The following NRG4 variants were observed in gnomAD, a reference collection of about 807,000 sequenced individuals.
The protein encoded by NRG4 is neuregulin 4.
NRG4 carries 10 observed loss-of-function variants against 15.0 expected under a neutral mutation model. The ratio of observed to expected loss-of-function variants is 0.67; its 90% CI spans 0.41 to 1.13. The LOEUF (loss-of-function observed/expected upper bound fraction) is 1.13, where lower values mean the gene tolerates loss of function less well. Ranked by LOEUF, NRG4 falls within the 50% of genes most tolerant of loss-of-function variation. NRG4 has a pLI of 0.00. For missense variants in NRG4, 139 were observed against 140.2 expected (o/e 0.99, Z 0.04); for synonymous variants, 41 against 50.1 (o/e 0.82, Z 0.77).
intron 3 of NRG4, among the ~76,000 whole-genome samples, chr15:76,001,277 G>A (rs1245898909): frequency 2.6e-5 from 4 of 152,006 alleles, no homozygotes; most frequent in East Asian, 3.9e-4. Context: ...GACTACAGGC[G>A]TGAGCTACCA....
intron 3 of NRG4, among the ~76,000 whole-genome samples, chr15:76,004,522 G>A (rs991991242): frequency 1.1e-4 from 17 of 150,246 alleles, no homozygotes; most frequent in Admixed American, 4.0e-4. Flanking sequence ...TCACTTGAAC[G>A]CAGGAGGCAG....
rs183118533 is a variant in NRG4, at chr15:76,023,995, C to G, written c.-57+11949G>C. On this transcript the variant is annotated intron_variant, in intron 5 of 8. Coordinates refer to the NRG4 transcript ENST00000563910. ...CCAAACAGGTAGAGCAGCTACAAGC[C>G]TAGGACCTGAGAGATAGCCCTGCAG... Among the ~76,000 whole-genome samples, 890 of 152,318 alleles carry G rather than the reference C, an allele frequency of 5.8e-3. 7 individuals are homozygous for G. Among genetic ancestry groups the G allele is most frequent in the Non-Finnish European group, 8.2e-3 (557 of 68,012 alleles).
intron 3 of NRG4, among the ~76,000 whole-genome samples, chr15:75,984,397 T>G (rs528512586): frequency 2.6e-5 from 4 of 152,140 alleles, no homozygotes; most frequent in South Asian, 4.2e-4. Context: ...CAAATGTCCA[T>G]CAGTGATAGA....
At chr15:76,007,259 A>G (rs569365073) in intron 3 of NRG4, among the ~76,000 whole-genome samples, 9 of 152,200 alleles carry the variant, frequency 5.9e-5, no homozygotes, top group Non-Finnish European at 1.3e-4. Context: ...CAGGAAACAT[A>G]GATCAACAGA....
At chr15:75,978,008 G>A (rs968592140) in intron 3 of NRG4, among the ~76,000 whole-genome samples, 1 of 151,920 alleles carries the variant, frequency 6.6e-6, no homozygotes, top group African/African-American at 2.4e-5. Context: ...GTAGAGATGG[G>A]ATTTCACCAT....
At chr15:75,999,445 A>T (rs926011382) in intron 3 of NRG4, among the ~76,000 whole-genome samples, 1 of 151,908 alleles carries the variant, frequency 6.6e-6, no homozygotes, top group African/African-American at 2.4e-5. Context: ...ATGCTCTTCT[A>T]CTCTCTGCCA....
At chr15:75,986,624 G>A (rs1320404342) in intron 3 of NRG4, among the ~76,000 whole-genome samples, 6 of 152,026 alleles carry the variant, frequency 3.9e-5, no homozygotes, top group Admixed American at 1.3e-4. Flanking sequence ...TGTTAGAAGT[G>A]GGTGGAAATA....
At chr15:76,053,342 T>C (rs1440526368) in intron 2 of NRG4, 1 of 150,864 alleles carries the variant, frequency 6.6e-6, no homozygotes, top group African/African-American at 2.5e-5. Flanking sequence ...GCAGGCTACT[T>C]AATCCCTCTG....
intron 5 of NRG4, among the ~76,000 whole-genome samples, chr15:76,027,512 A>G (rs1327369732): frequency 6.6e-6 from 1 of 151,960 alleles, no homozygotes; most frequent in Non-Finnish European, 1.5e-5. Flanking sequence ...ATATATATAT[A>G]TATATGCACC....
At chr15:76,023,990 C>T (rs912987167) in intron 5 of NRG4, among the ~76,000 whole-genome samples, 6 of 152,204 alleles carry the variant, frequency 3.9e-5, no homozygotes, top group African/African-American at 1.4e-4. Context: ...AGAGCAGCTA[C>T]AAGCCTAGGA....
chr15:75,973,121 C>T (rs1245607305), intron 3 of NRG4, among the ~76,000 whole-genome samples: 1 of 152,080 alleles, frequency 6.6e-6, no homozygotes, highest in Non-Finnish European at 1.5e-5. Flanking sequence ...GTATTTTATT[C>T]TCTTAGTAGC....
downstream of NRG4, chr15:75,936,493 C>T (rs1398579034): frequency 1.3e-5 from 2 of 152,152 alleles, no homozygotes; most frequent in African/African-American, 4.8e-5. Flanking sequence ...TATGCCACAA[C>T]TGAAGACAGG....
rs1021913616 is a variant in NRG4 at position 76,044,789 on chromosome 15, C to T, written c.-105+7278G>A. The stretch of plus-strand genomic sequence containing the variant: ...CTAGAAGACGGAGCTTGTAGTGAGC[C>T]GAGATCATACCACTGCACTCCAACC... On this transcript the variant is annotated intron_variant, in intron 4 of 8. Coordinates refer to the NRG4 transcript ENST00000563910. Among the ~76,000 whole-genome samples the T allele has an allele frequency of 1.4e-5, 2 of 145,970 alleles. 1 individual carries two copies. Among genetic ancestry groups the T allele is most frequent in the African/African-American group, 5.3e-5 (2 of 37,922 alleles).
chr15:76,045,892 AAAAAATAATGTAATTGT>A (rs1281991217), intron 4 of NRG4, among the ~76,000 whole-genome samples: 8 of 150,992 alleles, frequency 5.3e-5, no homozygotes, highest in African/African-American at 2.0e-4. Flanking sequence ...TGACTACAGT[AAAAAATAATGTAATTGT>A]ACATTTTAAA....
chr15:76,034,701 A>G (rs1384462947), intron 5 of NRG4, among the ~76,000 whole-genome samples: 1 of 152,032 alleles, frequency 6.6e-6, no homozygotes, highest in Non-Finnish European at 1.5e-5. Flanking sequence ...ACTCTTAAAT[A>G]GACTTGAGGC....
intron 5 of NRG4, among the ~76,000 whole-genome samples, chr15:76,027,774 T>C (rs1373034314): frequency 6.6e-6 from 1 of 152,158 alleles, no homozygotes; most frequent in South Asian, 2.1e-4. Context: ...ACTGACAACA[T>C]ATTAGGACAC....
chr15:75,962,316 T>C (rs1016136394), intron 3 of NRG4, among the ~76,000 whole-genome samples: 1 of 152,232 alleles, frequency 6.6e-6, no homozygotes, highest in African/African-American at 2.4e-5. Context: ...TTGTATCTGG[T>C]ATAGATAATG....
At chr15:76,019,689 T>C (rs937653487) in intron 5 of NRG4, among the ~76,000 whole-genome samples, 1 of 152,004 alleles carries the variant, frequency 6.6e-6, no homozygotes, top group South Asian at 2.1e-4. Flanking sequence ...GTCTAACCCA[T>C]CCCAATGAGA....
chr15:76,052,129 C>T (rs950824407), exon 4 of NRG4: 1 of 150,970 alleles, frequency 6.6e-6, no homozygotes, highest in South Asian at 2.1e-4. Context: ...AACTGGTTCT[C>T]TTTTATGGTT....
Sources: gnomAD v4.1 joint callset for allele counts (sites outside exome capture counted in the v4.1 genomes callset) on GRCh38, gnomAD v4.1.1 for gene constraint, MANE v1.5 for transcripts, NCBI Gene and HGNC (gene_info 2026-07-23, HGNC 2026-07-21) for gene names.